The following ZNF385B variants were observed in gnomAD, a reference collection of about 807,000 sequenced individuals.
ZNF385B encodes the protein zinc finger protein 385B, also known as zinc finger protein 533.
Under a neutral mutation model 39.2 loss-of-function variants are expected in ZNF385B, and 23 were observed. That is an observed-to-expected ratio of 0.59 (90% CI 0.42 to 0.83). The LOEUF (loss-of-function observed/expected upper bound fraction) is 0.83. ZNF385B is among the 40% of genes least tolerant of loss of function. The pLI is 0.00. For missense variants in ZNF385B, 552 were observed against 598.9 expected (o/e 0.92, Z 0.82); for synonymous variants, 205 against 222.6 (o/e 0.92, Z 0.70).
chr2:179,660,784 T>C (rs1426972248), intron 3 of ZNF385B, among the ~76,000 whole-genome samples: 1 of 152,144 alleles, frequency 6.6e-6, no homozygotes, highest in Admixed American at 6.5e-5. Context: ...AAAGAAAATT[T>C]GTCTGGGCCC....
intron 3 of ZNF385B, among the ~76,000 whole-genome samples, chr2:179,599,831 A>G (rs1688273953): frequency 6.6e-6 from 1 of 152,202 alleles, no homozygotes; most frequent in Non-Finnish European, 1.5e-5. Context: ...AGTAAAAAAT[A>G]GAATATGGAA....
chr2:179,498,653 C>T (rs1011975805), intron 5 of ZNF385B, among the ~76,000 whole-genome samples: 12 of 151,862 alleles, frequency 7.9e-5, no homozygotes, highest in South Asian at 6.2e-4. Flanking sequence ...AATGGAAACA[C>T]AACATACCCA....
intron 3 of ZNF385B, among the ~76,000 whole-genome samples, chr2:179,724,681 A>G (rs114062025): frequency 2.8e-4 from 42 of 152,350 alleles, no homozygotes; most frequent in African/African-American, 1.0e-3. Flanking sequence ...TAAGACTAGC[A>G]CAAGAAGCTA....
chr2:179,788,163 G>C (rs143565889), intron 1 of ZNF385B, among the ~76,000 whole-genome samples: 103 of 152,084 alleles, frequency 6.8e-4, no homozygotes, highest in African/African-American at 2.3e-3. Context: ...ACTTGGTCTG[G>C]AAGAATTGAA....
chr2:179,618,055 T>A (rs566055968), intron 3 of ZNF385B, among the ~76,000 whole-genome samples: 10 of 152,292 alleles, frequency 6.6e-5, no homozygotes, highest in African/African-American at 2.2e-4. Flanking sequence ...AAAAGAAACA[T>A]GTGATTAGAA....
At chr2:179,515,107 T>C (rs1229588841) in intron 5 of ZNF385B, among the ~76,000 whole-genome samples, 1 of 152,194 alleles carries the variant, frequency 6.6e-6, no homozygotes, top group East Asian at 1.9e-4. Flanking sequence ...TATCATGATT[T>C]TGAACTATGA....
intron 3 of ZNF385B, chr2:179,745,964 A>G: frequency 8.2e-7 from 1 of 1,221,436 alleles, no homozygotes; most frequent in Non-Finnish European, 1.0e-6. Context: ...GGGAAGGACA[A>G]GCACACTCTG....
chr2:179,621,428 C>T (rs1690203133), intron 3 of ZNF385B, among the ~76,000 whole-genome samples: 1 of 152,166 alleles, frequency 6.6e-6, no homozygotes, highest in African/African-American at 2.4e-5. Flanking sequence ...CAGTGGAAAG[C>T]TAATAAATGT....
At chr2:179,828,891 G>T (rs760454850) in intron 1 of ZNF385B, among the ~76,000 whole-genome samples, 3 of 151,920 alleles carry the variant, frequency 2.0e-5, no homozygotes, top group African/African-American at 7.3e-5. Context: ...AGATGTTAAG[G>T]TTTGTTAGCC....
At chr2:179,520,119 C>G (rs755982362) in intron 4 of ZNF385B, among the ~76,000 whole-genome samples, 1 of 151,600 alleles carries the variant, frequency 6.6e-6, no homozygotes, top group African/African-American at 2.4e-5. Context: ...ATCACTTGAG[C>G]TTAGGAGTTT....
chr2:179,774,419 G>A (rs889683786), intron 1 of ZNF385B, among the ~76,000 whole-genome samples: 1 of 151,884 alleles, frequency 6.6e-6, no homozygotes, highest in African/African-American at 2.4e-5. Context: ...GGAGTGTAGT[G>A]GTGCCATCTT....
rs1692896416 is a variant in ZNF385B at position 179,648,168 on chromosome 2, G to A, written c.299-103199C>T. On this transcript the variant is annotated intron_variant, in intron 3 of 9. Coordinates refer to ENST00000410066, the MANE Select transcript of ZNF385B (RefSeq NM_152520.6). ...GGTATTGGTGCATGGGTGGAATAGAGAGGACTTCCACATGGGGGTAGAAGA... is the reference window on the plus strand; with the variant it reads ...GGTATTGGTGCATGGGTGGAATAGAAAGGACTTCCACATGGGGGTAGAAGA... Among the ~76,000 whole-genome samples the A allele has an allele frequency of 1.3e-5, 2 of 152,074 alleles. 1 individual carries two copies. The highest frequency in any genetic ancestry group is 4.2e-4 in the South Asian group (2 of 4,812).
At chr2:179,469,761 C>G (rs2052527178) in intron 6 of ZNF385B, among the ~76,000 whole-genome samples, 1 of 152,056 alleles carries the variant, frequency 6.6e-6, no homozygotes, top group South Asian at 2.1e-4. Flanking sequence ...AGGGTAGAGT[C>G]CTTTCTAAAA....
chr2:179,473,372 G>A (rs1419296327), intron 6 of ZNF385B, among the ~76,000 whole-genome samples: 4 of 152,124 alleles, frequency 2.6e-5, no homozygotes. Context: ...AATATAGGCA[G>A]GACCTGGAAA....
chr2:179,732,481 CA>C (rs1015545729), intron 3 of ZNF385B, among the ~76,000 whole-genome samples: 24 of 152,146 alleles, frequency 1.6e-4, no homozygotes, highest in Admixed American at 1.4e-3. Context: ...CAATTTGGAC[CA>C]ATTAGAAGAC....
intron 1 of ZNF385B, among the ~76,000 whole-genome samples, chr2:179,835,358 G>C (rs186684281): frequency 2.0e-5 from 3 of 152,272 alleles, no homozygotes; most frequent in East Asian, 1.9e-4. Flanking sequence ...GTTGGGCAGG[G>C]GGAAGGTGGA....
At chr2:179,653,720 A>G (rs144462398) in intron 3 of ZNF385B, among the ~76,000 whole-genome samples, 20 of 152,208 alleles carry the variant, frequency 1.3e-4, no homozygotes, top group African/African-American at 4.6e-4. Context: ...CTTCTACCAC[A>G]CTGAAGTACC....
At chr2:179,458,979 C>T (rs2051004559) in intron 6 of ZNF385B, among the ~76,000 whole-genome samples, 1 of 152,070 alleles carries the variant, frequency 6.6e-6, no homozygotes, top group South Asian at 2.1e-4. Flanking sequence ...GGGATCGGTC[C>T]CAACCAAGAA....
chr2:179,784,143 T>C (rs1224280982), intron 1 of ZNF385B, among the ~76,000 whole-genome samples: 1 of 152,110 alleles, frequency 6.6e-6, no homozygotes, highest in Non-Finnish European at 1.5e-5. Flanking sequence ...TATGCAGCTG[T>C]AAAAAAGAAT....
Sources: allele counts gnomAD v4.1 joint callset (sites outside exome capture counted in the v4.1 genomes callset), GRCh38; gene constraint gnomAD v4.1.1; transcripts MANE v1.5; gene names NCBI Gene and HGNC (gene_info 2026-07-23, HGNC 2026-07-21).